The following TATDN2 variants were observed in gnomAD, a reference collection of about 807,000 sequenced individuals.
TATDN2 encodes 3'-5' RNA nuclease TATDN2.
TATDN2 carries 44 observed loss-of-function variants against 60.3 expected under a neutral mutation model. The observed-to-expected ratio is 0.73, with a 90% confidence interval of 0.57 to 0.94. The LOEUF (loss-of-function observed/expected upper bound fraction) is 0.94, where lower values mean the gene tolerates loss of function less well. Ranked by LOEUF, TATDN2 falls within the 40% of genes least tolerant of loss-of-function variation. The pLI is 0.00. For missense variants in TATDN2, 997 were observed against 948.0 expected, an observed-to-expected ratio of 1.05 and a Z score of -0.68; for synonymous variants, 399 against 355.8, an observed-to-expected ratio of 1.12 and a Z score of -1.37.
Position 10,270,330 on chromosome 3 carries a change from C to A in TATDN2, c.1148C>A (p.Ala383Asp), listed in dbSNP as rs370633316. Residue 383 changes from alanine to aspartate, a missense_variant, in exon 4 of 8, where the codon GCC (alanine) becomes GAC (aspartate). Transcript: ENST00000448281. ...HLYSSPWCDY[A>D]SYWTSSPKPS... ...TACAGTAGTCCTTGGTGTGACTACG[C>A]CAGCTATTGGACCAGCAGCCCCAAG... 6.4e-5 allele frequency: 103 copies of A among 1,614,052 alleles called. No homozygotes were observed. In the East Asian group the frequency reaches 2.2e-3, roughly 35 times the overall value.
Position 10,280,106 on chromosome 3 carries a change from T to A in TATDN2, c.*924T>A, listed in dbSNP as rs1007490907. Reference sequence around the variant, plus strand: ...CAAAAATAATCCTCATTTCATCTTGTGTACAGTCCTTTGTGTACCCCGCCC... The same window carrying A: ...CAAAAATAATCCTCATTTCATCTTGAGTACAGTCCTTTGTGTACCCCGCCC... On this transcript the variant is annotated 3_prime_UTR_variant, in exon 8 of 8. Coordinates refer to ENST00000448281, the MANE Select transcript of TATDN2 (RefSeq NM_014760.4). 1 of 153,804 alleles carries A rather than the reference T, an allele frequency of 6.5e-6. No homozygotes were observed. Among genetic ancestry groups the A allele is most frequent in the African/African-American group, 2.4e-5 (1 of 41,470 alleles). 9.5% of individuals were successfully genotyped at this position (153,804 alleles called of 1,614,324 possible).
At chr3:10,271,641 TTGAAAAAATA>T (rs1698565980) in intron 4 of TATDN2, among the ~76,000 whole-genome samples, 1 of 151,992 alleles carries the variant, frequency 6.6e-6, no homozygotes, top group Non-Finnish European at 1.5e-5. Context: ...TGCAGAATAT[TTGAAAAAATA>T]TGAAAAAATG....
intron 4 of TATDN2, among the ~76,000 whole-genome samples, chr3:10,271,808 C>A (rs757211959): frequency 9.5e-6 from 1 of 104,740 alleles, no homozygotes; most frequent in South Asian, 3.2e-4. Flanking sequence ...CCTCCGCCTC[C>A]GCCTCCGCCT....
At chr3:10,277,967 G>A (rs1013646103) in intron 5 of TATDN2, among the ~76,000 whole-genome samples, 4 of 152,046 alleles carry the variant, frequency 2.6e-5, no homozygotes, top group African/African-American at 9.7e-5. Context: ...CACAGTTGTT[G>A]ATTTTGCTCC....
chr3:10,278,753 A>T lies in TATDN2; in HGVS notation c.2146-132A>T. 7.3e-7 allele frequency: 1 copy of T among 1,362,022 alleles called. No individual in the cohort carries two copies. Among genetic ancestry groups the T allele is most frequent in the Non-Finnish European group, 1.0e-6 (1 of 978,548 alleles). The allele number at this position is 1,362,022 out of a possible 1,614,324, so 84.4% of individuals were successfully genotyped here. On this transcript the variant is annotated intron_variant, in intron 6 of 7. Coordinates refer to ENST00000448281, the MANE Select transcript of TATDN2 (RefSeq NM_014760.4). The surrounding 1 kb of genome is among the most constrained non-coding windows in gnomAD (Gnocchi z 4.7). Reference sequence around the variant, plus strand: ...CCCCCATGACTAGGACTCTCCCTGCACCTGCAGGTAAAGGGGTCTCTACAG... The same window carrying T: ...CCCCCATGACTAGGACTCTCCCTGCTCCTGCAGGTAAAGGGGTCTCTACAG...
intron 3 of TATDN2, among the ~76,000 whole-genome samples, chr3:10,268,753 G>A (rs1031852691): frequency 6.6e-6 from 1 of 152,158 alleles, no homozygotes; most frequent in African/African-American, 2.4e-5. Flanking sequence ...AATTAATTCA[G>A]CAGATATTCA....
intron 3 of TATDN2, among the ~76,000 whole-genome samples, chr3:10,264,739 C>T (rs1576010670): frequency 1.3e-5 from 2 of 150,744 alleles, no homozygotes; most frequent in Admixed American, 1.3e-4. Context: ...AGTGCAATGG[C>T]TTGGTCTTGG....
At chr3:10,252,874 T>TG (rs1698252519) in intron 2 of TATDN2, among the ~76,000 whole-genome samples, 1 of 149,072 alleles carries the variant, frequency 6.7e-6, no homozygotes, top group African/African-American at 2.5e-5. Flanking sequence ...TTTTTTTTTT[T>TG]GAGACAGAAT....
chr3:10,279,213 C>A lies in TATDN2; in HGVS notation c.*39-8C>A. On this transcript the variant is annotated splice_polypyrimidine_tract_variant and splice_region_variant and intron_variant, in intron 7 of 7. Transcript: ENST00000448281. ...GGAACCTTCTTCTTTTTCTCTTCCA[C>A]CCTCCAGGGCGACCAGCAGCCTGAC... 1 of 751,822 alleles carries A rather than the reference C, an allele frequency of 1.3e-6. No individual in the cohort carries two copies. The allele number at this position is 751,822 out of a possible 1,614,324, so 46.6% of individuals were successfully genotyped here.
At chr3:10,257,936 C>G (rs947814937) in intron 2 of TATDN2, among the ~76,000 whole-genome samples, 3 of 131,082 alleles carry the variant, frequency 2.3e-5, no homozygotes, top group African/African-American at 8.4e-5. Flanking sequence ...TCTTGGCTCA[C>G]TGCAAGCTCC....
Position 10,276,394 on chromosome 3 carries a change from C to T in TATDN2, c.1867C>T (p.Leu623=). The T allele has an allele frequency of 6.2e-7, 1 of 1,614,024 alleles. No homozygotes were observed. Residue 623 remains leucine (L), a synonymous_variant, in exon 5 of 8, where the codon CTA becomes TTA. Transcript: ENST00000448281. ...FERQLQLAVS[L]KKPLVIHCRE... ...GAGACAGCTGCAGCTGGCTGTGTCT[C>T]TAAAGAAGCCCTTGGTGATCCACTG...
At chr3:10,276,866 C>T (rs1179323910) in intron 5 of TATDN2, among the ~76,000 whole-genome samples, 1 of 152,170 alleles carries the variant, frequency 6.6e-6, no homozygotes, top group African/African-American at 2.4e-5. Flanking sequence ...GGATTATAGG[C>T]GTGAGCCACC....
chr3:10,252,338 C>T (rs772345516), intron 2 of TATDN2, among the ~76,000 whole-genome samples: 17 of 151,860 alleles, frequency 1.1e-4, no homozygotes, highest in Non-Finnish European at 2.2e-4. Context: ...ATACAGGGCT[C>T]TACACAGAAA....
chr3:10,278,415 G>C lies in TATDN2; in HGVS notation c.2098G>C (p.Glu700Gln), dbSNP rs1470026308. ...AREALRQIPLERIIVETDAPY... is the reference protein window; with the variant it reads ...AREALRQIPLQRIIVETDAPY... ...GGAAGCCTTGAGGCAGATCCCACTG[G>C]AGAGAATCATCGTGGAAACGGATGC... The change falls in exon 6 of 8, where the codon GAG becomes CAG. Residue 700 changes from glutamate to glutamine, a missense_variant. Glu to Gln is a conservative substitution (Grantham distance 29). Transcript: ENST00000448281. The surrounding 1 kb of genome is among the most constrained non-coding windows in gnomAD (Gnocchi z 4.7). 11 of 1,613,980 alleles carry C rather than the reference G, an allele frequency of 6.8e-6. No homozygotes were observed. Among genetic ancestry groups the C allele is most frequent in the East Asian group, 2.2e-5 (1 of 44,894 alleles).
At chr3:10,259,381 G>A (rs1698366472) in intron 2 of TATDN2, among the ~76,000 whole-genome samples, 1 of 152,246 alleles carries the variant, frequency 6.6e-6, no homozygotes, top group Admixed American at 6.5e-5. Context: ...ATGGCCTTAG[G>A]AGGACATTTG....
At chr3:10,251,855 A>AT (rs111556258) in intron 2 of TATDN2, among the ~76,000 whole-genome samples, 79,903 of 148,764 alleles carry the variant, frequency 0.54, 23,454 homozygotes, top group East Asian at 0.95. Context: ...CAGATTAAAA[A>AT]TTTTTTTTTT....
At chr3:10,249,869 G>A (rs1180738596) in intron 2 of TATDN2, among the ~76,000 whole-genome samples, 1 of 152,200 alleles carries the variant, frequency 6.6e-6, no homozygotes, top group Non-Finnish European at 1.5e-5. Flanking sequence ...AAATACTTGG[G>A]CCTGCCTCCT....
intron 2 of TATDN2, among the ~76,000 whole-genome samples, chr3:10,257,483 G>C (rs1698325336): frequency 6.6e-6 from 1 of 150,490 alleles, no homozygotes; most frequent in Non-Finnish European, 1.5e-5. Flanking sequence ...ACAAAAATTA[G>C]CCAGGTGTGA....
chr3:10,274,579 T>C (rs530050935), intron 4 of TATDN2, among the ~76,000 whole-genome samples: 1 of 152,318 alleles, frequency 6.6e-6, no homozygotes, highest in African/African-American at 2.4e-5. Context: ...TTGGAATCTC[T>C]TGAAACCTCT....
Sources: gnomAD v4.1 joint callset for allele counts (sites outside exome capture counted in the v4.1 genomes callset) on GRCh38, gnomAD v4.1.1 for gene constraint, Gnocchi (gnomAD v3.1) non-coding constraint, MANE v1.5 for transcripts, NCBI Gene and HGNC (gene_info 2026-07-23, HGNC 2026-07-21) for gene names.